The following CNTLN variants were observed in gnomAD, a reference collection of about 807,000 sequenced individuals.
CNTLN encodes centlein, centrosomal protein.
In CNTLN, 212 loss-of-function variants were observed where a neutral mutation model predicts 180.0. The ratio of observed to expected loss-of-function variants is 1.18; its 90% confidence interval spans 1.05 to 1.32. The LOEUF (loss-of-function observed/expected upper bound fraction) is 1.32. Ranked by LOEUF, CNTLN falls within the 40% of genes most tolerant of loss-of-function variation. The pLI, the probability that CNTLN is intolerant of heterozygous loss-of-function variation, is 0.00. For synonymous variants in CNTLN, 722 were observed against 563.1 expected, an observed-to-expected ratio of 1.28 and a Z score of -3.99; for missense variants, 2,095 against 1,610.9, an observed-to-expected ratio of 1.30 and a Z score of -5.14.
chr9:17,270,641 A>C (rs1328555974), intron 5 of CNTLN, among the ~76,000 whole-genome samples: 1 of 152,132 alleles, frequency 6.6e-6, no homozygotes, highest in Non-Finnish European at 1.5e-5. Context: ...AATTCTGTGT[A>C]ATGTTTCTCA....
chr9:17,425,516 T>C (rs1421501132), intron 18 of CNTLN, among the ~76,000 whole-genome samples: 1 of 152,152 alleles, frequency 6.6e-6, no homozygotes, highest in Non-Finnish European at 1.5e-5. Context: ...TGGTGGTTTG[T>C]TTTGACAGCC....
At chr9:17,267,797 C>A (rs1211185894) in intron 5 of CNTLN, among the ~76,000 whole-genome samples, 1 of 152,124 alleles carries the variant, frequency 6.6e-6, no homozygotes, top group Non-Finnish European at 1.5e-5. Flanking sequence ...TTTCATCTTC[C>A]ATCACTGATA....
At chr9:17,215,279 C>G (rs558992306) in intron 2 of CNTLN, among the ~76,000 whole-genome samples, 2 of 152,340 alleles carry the variant, frequency 1.3e-5, no homozygotes, top group South Asian at 4.1e-4. Context: ...ACAGTCAGGA[C>G]CATTAGCTGC....
intron 13 of CNTLN, among the ~76,000 whole-genome samples, chr9:17,378,270 C>G (rs1824943987): frequency 6.6e-6 from 1 of 152,132 alleles, no homozygotes. Context: ...ACCTCCGATT[C>G]CCTGGTTCAA....
chr9:17,293,470 C>T (rs1368856064), intron 6 of CNTLN, among the ~76,000 whole-genome samples: 2 of 152,184 alleles, frequency 1.3e-5, no homozygotes, highest in Non-Finnish European at 1.5e-5. Flanking sequence ...CCCCTGGCTG[C>T]AGTTGCTGAA....
chr9:17,368,010 C>T (rs1272364470), intron 13 of CNTLN, among the ~76,000 whole-genome samples: 2 of 152,158 alleles, frequency 1.3e-5, no homozygotes, highest in African/African-American at 4.8e-5. Context: ...GGTACCAGCT[C>T]ATCCACAATG....
intron 12 of CNTLN, among the ~76,000 whole-genome samples, chr9:17,356,186 G>A (rs1822830873): frequency 6.6e-6 from 1 of 152,092 alleles, no homozygotes; most frequent in Admixed American, 6.5e-5. Flanking sequence ...AGTTGTGTAA[G>A]TTTTTCTTAT....
At chr9:17,447,277 A>G (rs764869022) in intron 18 of CNTLN, 5 of 207,084 alleles carry the variant, frequency 2.4e-5, no homozygotes, top group African/African-American at 1.2e-4. Context: ...TCCTGGTGCC[A>G]TAAAACTGGC....
intron 18 of CNTLN, among the ~76,000 whole-genome samples, chr9:17,441,172 G>A (rs762218287): frequency 6.6e-6 from 1 of 152,140 alleles, no homozygotes; most frequent in Non-Finnish European, 1.5e-5. Flanking sequence ...AAAGTAGAGG[G>A]ACTTCATCAC....
chr9:17,449,895 C>G (rs1368333642), intron 18 of CNTLN, among the ~76,000 whole-genome samples: 1 of 152,124 alleles, frequency 6.6e-6, no homozygotes, highest in South Asian at 2.1e-4. Flanking sequence ...TATTTTTGGT[C>G]TTTCAGAATT....
intron 25 of CNTLN, 22 bp from the exon 26 acceptor site, chr9:17,502,529 C>A: frequency 9.0e-7 from 1 of 1,109,564 alleles, no homozygotes; most frequent in Admixed American, 2.6e-5. Flanking sequence ...TTTTAATAAT[C>A]TTTTTTGTGT....
chr9:17,474,207 C>A (rs1301308756), intron 23 of CNTLN, among the ~76,000 whole-genome samples: 1 of 152,086 alleles, frequency 6.6e-6, no homozygotes, highest in Non-Finnish European at 1.5e-5. Flanking sequence ...ATCTTCCTGC[C>A]TAGTTGTGAT....
intron 8 of CNTLN, among the ~76,000 whole-genome samples, chr9:17,325,283 C>G (rs891388069): frequency 1.3e-5 from 2 of 150,374 alleles, no homozygotes; most frequent in African/African-American, 4.9e-5. Context: ...TGGTAATAGA[C>G]ATATTGCTGC....
At chr9:17,254,934 A>G (rs774304785) in intron 5 of CNTLN, among the ~76,000 whole-genome samples, 1 of 151,660 alleles carries the variant, frequency 6.6e-6, no homozygotes, top group Admixed American at 6.6e-5. Context: ...ATGTCTTTCC[A>G]TTTATTTGTG....
chr9:17,465,638 A>C (rs1265523476), intron 21 of CNTLN, among the ~76,000 whole-genome samples: 2 of 151,200 alleles, frequency 1.3e-5, no homozygotes, highest in East Asian at 3.9e-4. Context: ...GTTACCTTTA[A>C]CTTGGCTTGT....
At chr9:17,432,015 T>C (rs1367185352) in intron 18 of CNTLN, among the ~76,000 whole-genome samples, 1 of 152,198 alleles carries the variant, frequency 6.6e-6, no homozygotes, top group Middle Eastern at 3.2e-3. Context: ...GCCTTTTTGT[T>C]TTCCATATTA....
chr9:17,304,733 AAATT>A (rs1350371885), intron 7 of CNTLN, among the ~76,000 whole-genome samples: 1 of 152,190 alleles, frequency 6.6e-6, no homozygotes, highest in Non-Finnish European at 1.5e-5. Context: ...ACAACAATAA[AAATT>A]AATAAGAAAA....
chr9:17,384,126 A>C (rs1405937896), intron 13 of CNTLN, among the ~76,000 whole-genome samples: 1 of 152,160 alleles, frequency 6.6e-6, no homozygotes, highest in Non-Finnish European at 1.5e-5. Flanking sequence ...GGTGTTACAC[A>C]TGGCTTTCAA....
At chr9:17,387,865 G>A (rs888908297) in intron 13 of CNTLN, among the ~76,000 whole-genome samples, 1 of 150,800 alleles carries the variant, frequency 6.6e-6, no homozygotes, top group Non-Finnish European at 1.5e-5. Flanking sequence ...AGGGGGAATA[G>A]TCTACAAAAG....
Sources: gnomAD v4.1 joint callset for allele counts (sites outside exome capture counted in the v4.1 genomes callset) on GRCh38, gnomAD v4.1.1 for gene constraint, MANE v1.5 for transcripts, NCBI Gene and HGNC (gene_info 2026-07-23, HGNC 2026-07-21) for gene names.